Variants in PRDM11 observed in about 807,000 individuals in gnomAD.
PRDM11 encodes the protein PR domain-containing protein 11.
A neutral mutation model predicts 97.8 loss-of-function variants in PRDM11; 20 were observed. The ratio of observed to expected loss-of-function variants is 0.20; its 90% confidence interval spans 0.14 to 0.30. The LOEUF (loss-of-function observed/expected upper bound fraction) is 0.30, where lower values mean the gene tolerates loss of function less well. Among genes scored for constraint, PRDM11 ranks in the 10% least tolerant of loss-of-function variants. PRDM11 has a pLI of 1.00. For synonymous variants in PRDM11, 599 were observed against 637.7 expected, an observed-to-expected ratio of 0.94 and a Z score of 0.91; for missense variants, 1,139 against 1,555.2, an observed-to-expected ratio of 0.73 and a Z score of 4.50.
At chr11:45,128,110 G>C (rs996233534) in intron 1 of PRDM11, among the ~76,000 whole-genome samples, 5 of 152,228 alleles carry the variant, frequency 3.3e-5, no homozygotes, top group Non-Finnish European at 7.3e-5. Context: ...TGCTGTGCTA[G>C]CAATCAGTGA....
chr11:45,163,507 G>A (rs1330315152), intron 1 of PRDM11, among the ~76,000 whole-genome samples: 1 of 151,996 alleles, frequency 6.6e-6, no homozygotes, highest in African/African-American at 2.4e-5. Flanking sequence ...GTACCCGGTG[G>A]TCCCAGGAAG....
Position 45,183,246 on chromosome 11 carries a change from C to G in PRDM11, c.486+123C>G, listed in dbSNP as rs1032746870. 29 of 1,292,888 alleles carry G rather than the reference C, an allele frequency of 2.2e-5. No individual in the cohort carries two copies. The African/African-American group carries it at 3.9e-4, about 18-fold the overall frequency. The allele number at this position is 1,292,888 out of a possible 1,614,324, so 80.1% of individuals were successfully genotyped here. On this transcript the variant is annotated intron_variant, in intron 4 of 7. Coordinates refer to ENST00000683152, the MANE Select transcript of PRDM11 (RefSeq NM_001384648.1). Reference sequence around the variant, plus strand: ...TTTCTACCATCGCTTCTGGACCTGTCGATGATGGATCTTGCTGTCCCCTGG... The same window carrying G: ...TTTCTACCATCGCTTCTGGACCTGTGGATGATGGATCTTGCTGTCCCCTGG...
Position 45,228,321 on chromosome 11 carries a change from G to A in PRDM11, c.*162G>A, listed in dbSNP as rs1486101758. The A allele has an allele frequency of 2.2e-5, 5 of 230,138 alleles. No individual in the cohort carries two copies. The highest frequency in any genetic ancestry group is 1.4e-4 in the East Asian group (1 of 7,380). 14.3% of individuals were successfully genotyped at this position (230,138 alleles called of 1,614,324 possible). ...GAAAATTTTTAAAAACCAAGGTGAC[G>A]CGTCCACCAGAAGCCACTGGGAGAT... On this transcript the variant is annotated 3_prime_UTR_variant, in exon 8 of 8. Transcript: ENST00000683152.
chr11:45,161,839 C>T (rs559364138), intron 1 of PRDM11, among the ~76,000 whole-genome samples: 11 of 152,372 alleles, frequency 7.2e-5, no homozygotes, highest in African/African-American at 2.2e-4. Flanking sequence ...GCTGGAAAAA[C>T]AGGCAGCCTG....
In PRDM11 at chr11:45,226,611, G is replaced by A. The variant is rs762312328; in HGVS notation, c.1986G>A (p.Leu662=). 3.3e-6 allele frequency: 5 copies of A among 1,533,864 alleles called. No individual in the cohort carries two copies. The African/African-American group carries it at 6.9e-5, about 21-fold the overall frequency. Residue 662 remains leucine (L), a synonymous_variant, in exon 8 of 8, where the codon CTG becomes CTA. Transcript: ENST00000683152. ...IRQSPCLSVI[L]DGQSDDLLAD... ...AGTCACCTTGCCTCAGCGTCATCCT[G>A]GATGGGCAGAGCGACGACCTGCTGG...
intron 1 of PRDM11, among the ~76,000 whole-genome samples, chr11:45,170,132 C>T (rs914384132): frequency 6.6e-6 from 1 of 152,152 alleles, no homozygotes; most frequent in Non-Finnish European, 1.5e-5. Context: ...CACCTGAGAT[C>T]AGGAGTTCGA....
chr11:45,100,245 A>T (rs1424758499), intron 1 of PRDM11, among the ~76,000 whole-genome samples: 1 of 152,190 alleles, frequency 6.6e-6, no homozygotes, highest in Non-Finnish European at 1.5e-5. Context: ...TGATTCGCTA[A>T]TTGTCCTTAA....
intron 1 of PRDM11, among the ~76,000 whole-genome samples, chr11:45,096,767 A>G (rs1851891682): frequency 6.6e-6 from 1 of 152,222 alleles, no homozygotes; most frequent in Non-Finnish European, 1.5e-5. Context: ...GGCACTGGGT[A>G]GCGTGAACAG....
rs1852513788 is a variant in PRDM11 at position 45,181,812 on chromosome 11, G to A, written c.46G>A (p.Val16Met). The stretch of plus-strand genomic sequence containing the variant: ...GTGCTTGGCCCAGACCAATGCAGCC[G>A]TGGGGGATATGGTGACGGTGGTGAA... ...KECLAQTNAA[V>M]GDMVTVVKTE... The change falls in exon 2 of 8, where the codon GTG (valine) becomes ATG (methionine). Residue 16 changes from valine (V) to methionine (M), a missense_variant. Transcript: ENST00000683152. 2 of 1,613,680 alleles carry A rather than the reference G, an allele frequency of 1.2e-6. No homozygotes were observed. The highest frequency in any genetic ancestry group is 1.1e-5 in the South Asian group (1 of 91,076).
chr11:45,181,028 G>A (rs922917052), intron 1 of PRDM11, among the ~76,000 whole-genome samples: 4 of 152,186 alleles, frequency 2.6e-5, no homozygotes, highest in Admixed American at 1.3e-4. Context: ...CACACACGCC[G>A]CTCGCCCAGT....
chr11:45,149,052 C>T (rs1361520335), intron 1 of PRDM11, among the ~76,000 whole-genome samples: 1 of 152,156 alleles, frequency 6.6e-6, no homozygotes, highest in East Asian at 1.9e-4. Flanking sequence ...TCTCCAGACC[C>T]AGATAACTTT....
At chr11:45,103,137 T>A (rs981145687) in intron 1 of PRDM11, among the ~76,000 whole-genome samples, 1 of 152,224 alleles carries the variant, frequency 6.6e-6, no homozygotes, top group Non-Finnish European at 1.5e-5. Flanking sequence ...GACAGTTGCC[T>A]CTGCCATGTC....
intron 1 of PRDM11, among the ~76,000 whole-genome samples, chr11:45,109,793 A>G (rs1016548110): frequency 2.6e-5 from 4 of 152,184 alleles, no homozygotes; most frequent in African/African-American, 9.7e-5. Flanking sequence ...GAAAGATTGA[A>G]GCACTAGATG....
chr11:45,123,890 T>C (rs1313812886), intron 1 of PRDM11, among the ~76,000 whole-genome samples: 1 of 148,050 alleles, frequency 6.8e-6, no homozygotes, highest in Non-Finnish European at 1.5e-5. Flanking sequence ...AGAAAGTCAT[T>C]GGTAGCTTGA....
At position 45,229,226 on chromosome 11, in the gene PRDM11, G is replaced by A. The variant is rs1854348828; in HGVS notation, c.*1067G>A. 2 of 152,124 alleles carry A rather than the reference G, an allele frequency of 1.3e-5. No homozygotes were observed. Among genetic ancestry groups the A allele is most frequent in the Admixed American group, 6.5e-5 (1 of 15,268 alleles). 9.4% of individuals were successfully genotyped at this position (152,124 alleles called of 1,614,324 possible). A position where few individuals can be genotyped will look rare whatever the true frequency, so the allele number is the denominator to read the frequency against. ...TTCCTTTAATAATCAAGAAATGCCTGCTATAGTTCAGTGGCAGGTAGTGTC... is the reference window on the plus strand; with the variant it reads ...TTCCTTTAATAATCAAGAAATGCCTACTATAGTTCAGTGGCAGGTAGTGTC... On this transcript the variant is annotated 3_prime_UTR_variant, in exon 8 of 8. Coordinates refer to ENST00000683152, the MANE Select transcript of PRDM11 (RefSeq NM_001384648.1).
intron 1 of PRDM11, among the ~76,000 whole-genome samples, chr11:45,174,315 A>G (rs908128990): frequency 6.6e-6 from 1 of 152,200 alleles, no homozygotes; most frequent in Non-Finnish European, 1.5e-5. Flanking sequence ...AAACATGTCA[A>G]ATTTCTTTGC....
intron 1 of PRDM11, among the ~76,000 whole-genome samples, chr11:45,111,159 G>A (rs1331012431): frequency 6.6e-6 from 1 of 151,924 alleles, no homozygotes; most frequent in Non-Finnish European, 1.5e-5. Context: ...CACCATTTTC[G>A]ACACCATCTT....
intron 5 of PRDM11, among the ~76,000 whole-genome samples, chr11:45,215,590 A>G (rs759310192): frequency 9.9e-5 from 15 of 152,234 alleles, no homozygotes; most frequent in Non-Finnish European, 2.1e-4. Context: ...AGGGACAGTG[A>G]GGACTTGTCA....
intron 1 of PRDM11, among the ~76,000 whole-genome samples, chr11:45,164,576 TCAGGACAGCCAC>T (rs1270320518): frequency 4.6e-5 from 7 of 152,244 alleles, no homozygotes; most frequent in African/African-American, 1.7e-4. Flanking sequence ...AGGGCCGTCC[TCAGGACAGCCAC>T]CAGGGCTGGC....
Sources: gnomAD v4.1 joint callset for allele counts (sites outside exome capture counted in the v4.1 genomes callset) on GRCh38, gnomAD v4.1.1 for gene constraint, MANE v1.5 for transcripts, NCBI Gene and HGNC (gene_info 2026-07-23, HGNC 2026-07-21) for gene names.